Variants in EDN1 observed in about 807,000 individuals in gnomAD.
EDN1 encodes endothelin 1.
Under a neutral mutation model 21.7 loss-of-function variants are expected in EDN1, and 11 were observed. The observed-to-expected ratio is 0.51, with a 90% CI of 0.32 to 0.84. The LOEUF (loss-of-function observed/expected upper bound fraction) is 0.84, where lower values mean the gene tolerates loss of function less well. Ranked by LOEUF, EDN1 falls within the 40% of genes least tolerant of loss-of-function variation. The pLI is 0.03. For missense variants in EDN1, 244 were observed against 262.3 expected, an observed-to-expected ratio of 0.93 and a Z score of 0.48; for synonymous variants, 85 against 90.6, an observed-to-expected ratio of 0.94 and a Z score of 0.35.
chr6:12,280,809 C>T, the EDN1 span, among the ~76,000 whole-genome samples: 6 of 152,308 alleles, frequency 3.9e-5, no homozygotes, highest in East Asian at 1.2e-3. Context: ...AGGAGAATCA[C>T]TTGAATCTGG....
chr6:12,243,028 C>T, the EDN1 span, among the ~76,000 whole-genome samples: 1 of 152,148 alleles, frequency 6.6e-6, no homozygotes, highest in African/African-American at 2.4e-5. Context: ...CAAAAATCCA[C>T]AGATAACTTT....
At chr6:12,261,445 G>A in the EDN1 span, among the ~76,000 whole-genome samples, 2 of 152,190 alleles carry the variant, frequency 1.3e-5, no homozygotes, top group Admixed American at 1.3e-4. Flanking sequence ...TGTTCCAGAT[G>A]GGTAACAGGT....
chr6:12,244,342 C>A, the EDN1 span, among the ~76,000 whole-genome samples: 2 of 152,036 alleles, frequency 1.3e-5, no homozygotes, highest in Admixed American at 1.3e-4. Flanking sequence ...GTTGGCTATA[C>A]AATATTTTGA....
At chr6:12,245,982 C>A in the EDN1 span, among the ~76,000 whole-genome samples, 2 of 152,000 alleles carry the variant, frequency 1.3e-5, no homozygotes, top group African/African-American at 4.8e-5. Flanking sequence ...ATTGCCATAA[C>A]AATGTTGTAT....
upstream of EDN1, among the ~76,000 whole-genome samples, chr6:12,285,477 G>T (rs1762548006): frequency 6.6e-6 from 1 of 152,204 alleles, no homozygotes. Flanking sequence ...AAACAAGAAG[G>T]TATAAGATAT....
At chr6:12,271,675 T>G in the EDN1 span, among the ~76,000 whole-genome samples, 4 of 152,234 alleles carry the variant, frequency 2.6e-5, no homozygotes, top group Non-Finnish European at 5.9e-5. Context: ...AGATTAGACT[T>G]TCATATGTTT....
the EDN1 span, among the ~76,000 whole-genome samples, chr6:12,277,621 G>A: frequency 3.3e-5 from 5 of 152,226 alleles, no homozygotes; most frequent in Non-Finnish European, 5.9e-5. Context: ...GGCCAAGGGC[G>A]AATCTCTGGG....
the EDN1 span, among the ~76,000 whole-genome samples, chr6:12,267,895 T>C: frequency 6.6e-6 from 1 of 152,204 alleles, no homozygotes; most frequent in Admixed American, 6.5e-5. Context: ...CCAATGCCTA[T>C]TTACCATTCC....
the EDN1 span, among the ~76,000 whole-genome samples, chr6:12,266,718 A>G: frequency 6.6e-6 from 1 of 152,164 alleles, no homozygotes; most frequent in African/African-American, 2.4e-5. Context: ...AGGCCAGCAA[A>G]GAGATGTGTG....
the EDN1 span, among the ~76,000 whole-genome samples, chr6:12,248,063 G>T: frequency 6.6e-6 from 1 of 152,048 alleles, no homozygotes; most frequent in Non-Finnish European, 1.5e-5. Flanking sequence ...CTTGTCTTCT[G>T]CTCCACAAAG....
At chr6:12,262,814 G>A in the EDN1 span, among the ~76,000 whole-genome samples, 1 of 150,940 alleles carries the variant, frequency 6.6e-6, no homozygotes, top group African/African-American at 2.4e-5. Context: ...GGAGGTTGCA[G>A]TGAGCCGAGA....
chr6:12,249,025 G>A, the EDN1 span, among the ~76,000 whole-genome samples: 1 of 152,328 alleles, frequency 6.6e-6, no homozygotes, highest in East Asian at 1.9e-4. Flanking sequence ...TGTTGAAGAA[G>A]TTAGACACAA....
Position 12,290,452 on chromosome 6 carries a change from C to T in EDN1, c.-178C>T. On this transcript the variant is annotated 5_prime_UTR_variant, in exon 1 of 5. Transcript: ENST00000379375. ...GCCGCGTGCGCCTGCAGACGCTCCG[C>T]TCGCTGCCTTCTCTCCTGGCAGGCG... 1.6e-6 allele frequency: 1 copy of T among 627,452 alleles called. No individual in the cohort carries two copies. The highest frequency in any genetic ancestry group is 1.9e-5 in the South Asian group (1 of 53,158). The allele number at this position is 627,452 out of a possible 1,614,324, so 38.9% of individuals were successfully genotyped here. A position where few individuals can be genotyped will look rare whatever the true frequency, so the allele number is the denominator to read the frequency against.
chr6:12,252,518 A>G, the EDN1 span, among the ~76,000 whole-genome samples: 1 of 152,196 alleles, frequency 6.6e-6, no homozygotes, highest in African/African-American at 2.4e-5. Context: ...TAATAAAGAT[A>G]TTGAAAGAAG....
At chr6:12,256,452 T>C in the EDN1 span, among the ~76,000 whole-genome samples, 1 of 152,096 alleles carries the variant, frequency 6.6e-6, no homozygotes. Flanking sequence ...ATGTTTTTCC[T>C]CACCTGCCCA....
chr6:12,265,949 T>C, the EDN1 span, among the ~76,000 whole-genome samples: 445 of 152,312 alleles, frequency 2.9e-3, 4 homozygotes, highest in South Asian at 0.025. Context: ...TTCCCTTATT[T>C]CCCAATGACT....
chr6:12,290,373 G>C lies in EDN1; in HGVS notation c.-257G>C. On this transcript the variant is annotated 5_prime_UTR_variant, in exon 1 of 5. Coordinates refer to ENST00000379375, the MANE Select transcript of EDN1 (RefSeq NM_001955.5). ...AGCTGTCCAAGTCAGACGCGCCTCTGCATCTGCGCCAGGCGAACGGGTCCT... is the reference window on the plus strand; with the variant it reads ...AGCTGTCCAAGTCAGACGCGCCTCTCCATCTGCGCCAGGCGAACGGGTCCT... 1.8e-6 allele frequency: 1 copy of C among 542,264 alleles called. No individual in the cohort carries two copies. The highest frequency in any genetic ancestry group is 3.1e-5 in the Admixed American group (1 of 31,872). The allele number at this position is 542,264 out of a possible 1,614,324, so 33.6% of individuals were successfully genotyped here. A position where few individuals can be genotyped will look rare whatever the true frequency, so the allele number is the denominator to read the frequency against.
the EDN1 span, among the ~76,000 whole-genome samples, chr6:12,273,547 CT>C: frequency 6.9e-6 from 1 of 145,184 alleles, no homozygotes; most frequent in Non-Finnish European, 1.5e-5. Flanking sequence ...TTTTTTTTTC[CT>C]TTTAAAAGGA....
chr6:12,236,327 G>T, the EDN1 span, among the ~76,000 whole-genome samples: 1 of 151,886 alleles, frequency 6.6e-6, no homozygotes. Context: ...TGTCACCCAG[G>T]CTGGAGTGCA....
Sources: gnomAD v4.1 joint callset for allele counts (sites outside exome capture counted in the v4.1 genomes callset) on GRCh38, gnomAD v4.1.1 for gene constraint, MANE v1.5 for transcripts, NCBI Gene and HGNC (gene_info 2026-07-23, HGNC 2026-07-21) for gene names.